MEX3A: variants seen among roughly 807,000 people sequenced by gnomAD.
MEX3A encodes the protein mex-3 RNA binding family member A.
MEX3A carries 4 observed loss-of-function variants against 30.0 expected under a neutral mutation model. That is an observed-to-expected ratio of 0.13 (90% CI 0.07 to 0.30). The LOEUF is 0.30. Ranked by LOEUF, MEX3A falls within the 10% of genes least tolerant of loss-of-function variation. The pLI, the probability that MEX3A is intolerant of heterozygous loss-of-function variation, is 1.00. For missense variants in MEX3A, 555 were observed against 736.7 expected (o/e 0.75, Z 2.86); for synonymous variants, 335 against 327.6 (o/e 1.02, Z -0.24).
At position 156,082,431 on chromosome 1, in the gene MEX3A, T is replaced by G; in HGVS notation, c.-433A>C. 5.9e-6 allele frequency: 1 copy of G among 169,492 alleles called. No individual in the cohort carries two copies. The highest frequency in any genetic ancestry group is 1.9e-4 in the East Asian group (1 of 5,234). 10.5% of individuals were successfully genotyped at this position (169,492 alleles called of 1,614,324 possible). A position where few individuals can be genotyped will look rare whatever the true frequency, so the allele number is the denominator to read the frequency against. On this transcript the variant is annotated 5_prime_UTR_variant, in exon 1 of 2. Coordinates refer to ENST00000532414, the MANE Select transcript of MEX3A (RefSeq NM_001093725.2). ...GGGAGCGGCGCTCAGTGGCCCCCAA[T>G]AGAGCCCAGCCCCTTCCAGCGCTCA...
chr1:156,079,234 G>C (rs921687545), intron 1 of MEX3A, among the ~76,000 whole-genome samples: 1 of 150,474 alleles, frequency 6.6e-6, no homozygotes, highest in African/African-American at 2.5e-5. Flanking sequence ...TTTTTTTTGA[G>C]ATGGAGTCTT....
At chr1:156,080,092 T>G (rs932979959) in intron 1 of MEX3A, among the ~76,000 whole-genome samples, 1 of 152,212 alleles carries the variant, frequency 6.6e-6, no homozygotes, top group Non-Finnish European at 1.5e-5. Flanking sequence ...CAAGCCCATC[T>G]GATGCGGAGG....
Position 156,081,588 on chromosome 1 carries a change from G to A in MEX3A, c.411C>T (p.Pro137=). ...CGGCCACGTGCTCGGAGGTGGGCAC[G>A]GGAACACACTCCGTGGTGTTGCTGC... ...KGSSNTTECV[P]VPTSEHVAEI... is the part of the protein sequence containing the mutation. The change falls in exon 1 of 2, where the codon CCC becomes CCT. Residue 137 remains proline, a synonymous_variant. Transcript: ENST00000532414. 2.5e-6 allele frequency: 4 copies of A among 1,594,476 alleles called. No homozygotes were observed. Among genetic ancestry groups the A allele is most frequent in the Non-Finnish European group, 3.4e-6 (4 of 1,172,728 alleles).
At position 156,077,786 on chromosome 1, in the gene MEX3A, G is replaced by A. The variant is rs940631237; in HGVS notation, c.455-104C>T. ...CTTACCCAAATACCTAGCCTCCCAG[G>A]AACACTTCAGTCTACCCTTTGAAAT... On this transcript the variant is annotated intron_variant, in intron 1 of 1. Transcript: ENST00000532414. The surrounding 1 kb of genome is among the most constrained non-coding windows in gnomAD (Gnocchi z 8.3). The A allele has an allele frequency of 7.0e-7, 1 of 1,434,458 alleles. No homozygotes were observed. The highest frequency in any genetic ancestry group is 9.1e-7 in the Non-Finnish European group (1 of 1,093,214). The allele number at this position is 1,434,458 out of a possible 1,614,324, so 88.9% of individuals were successfully genotyped here. A position where few individuals can be genotyped will look rare whatever the true frequency, so the allele number is the denominator to read the frequency against.
chr1:156,077,290 C>G lies in MEX3A; in HGVS notation c.847G>C (p.Glu283Gln). 3 of 1,613,964 alleles carry G rather than the reference C, an allele frequency of 1.9e-6. No homozygotes were observed. The highest frequency in any genetic ancestry group is 1.7e-6 in the Non-Finnish European group (2 of 1,179,866). The change falls in exon 2 of 2, where the codon GAG becomes CAG. Residue 283 changes from glutamate (E) to glutamine (Q), a missense_variant. By Grantham distance (29) the Glu-to-Gln change is conservative. Around this residue, in one of 6 missense-constraint regions of MEX3A, gnomAD observed 33 missense variants for 100.9 expected, o/e 0.33. Coordinates refer to ENST00000532414, the MANE Select transcript of MEX3A (RefSeq NM_001093725.2). This position sits in a 1 kb window ranked among gnomAD's most constrained non-coding sequence, Gnocchi z 8.3. ...CGCACCGCGATGTGCGTCTCGATCT[C>G]CTCGCGCGCACGCTCCACGTTGCCT... ...APGNVERARE[E>Q]IETHIAVRTG...
At chr1:156,078,487 G>A (rs1023270825) in intron 1 of MEX3A, among the ~76,000 whole-genome samples, 3 of 152,098 alleles carry the variant, frequency 2.0e-5, no homozygotes, top group Non-Finnish European at 4.4e-5. Context: ...GGCTGAGTAC[G>A]GTGAGGGAGA....
chr1:156,081,231 T>A (rs1370963103), intron 1 of MEX3A, among the ~76,000 whole-genome samples: 1 of 152,140 alleles, frequency 6.6e-6, no homozygotes, highest in Non-Finnish European at 1.5e-5. Flanking sequence ...GTTTTTCTGG[T>A]TAGGAGTGGA....
intron 1 of MEX3A, 104 bp downstream of exon 1, chr1:156,081,441 G>T: frequency 2.0e-6 from 2 of 1,007,554 alleles, no homozygotes; most frequent in Non-Finnish European, 3.0e-6. Flanking sequence ...GTGGGGAAGG[G>T]ACAGAGCCGG....
chr1:156,079,168 G>T (rs562859924), intron 1 of MEX3A, among the ~76,000 whole-genome samples: 1 of 152,150 alleles, frequency 6.6e-6, no homozygotes, highest in South Asian at 2.1e-4. Flanking sequence ...CTGGCAGATT[G>T]GGGGGTGAGG....
chr1:156,075,243 G>A lies in MEX3A; in HGVS notation c.*1331C>T, dbSNP rs1489055247. On this transcript the variant is annotated 3_prime_UTR_variant, in exon 2 of 2. Transcript: ENST00000532414. ...CACAGACTCCATGATTTGCATGGAGGATTCAAGCTAATAAGGATTCAAGCT... is the reference window on the plus strand; with the variant it reads ...CACAGACTCCATGATTTGCATGGAGAATTCAAGCTAATAAGGATTCAAGCT... The A allele has an allele frequency of 1.3e-5, 2 of 152,246 alleles. No homozygotes were observed. The highest frequency in any genetic ancestry group is 2.9e-5 in the Non-Finnish European group (2 of 68,036). The allele number at this position is 152,246 out of a possible 1,614,324, so 9.4% of individuals were successfully genotyped here.
chr1:156,081,604 G>C lies in MEX3A; in HGVS notation c.395C>G (p.Thr132Ser). 6.3e-7 allele frequency: 1 copy of C among 1,587,084 alleles called. No individual in the cohort carries two copies. The highest frequency in any genetic ancestry group is 1.1e-5 in the South Asian group (1 of 87,324). The change falls in exon 1 of 2, where the codon ACC becomes AGC. Residue 132 changes from threonine to serine, a missense_variant. By Grantham distance (58) the Thr-to-Ser change is moderately conservative. Around this residue, in one of 6 missense-constraint regions of MEX3A, gnomAD observed 32 missense variants for 107.4 expected, o/e 0.30. Coordinates refer to ENST00000532414, the MANE Select transcript of MEX3A (RefSeq NM_001093725.2). ...GGTGGGCACGGGAACACACTCCGTGGTGTTGCTGCTGCCCTTCAGGCGCAG... is the reference window on the plus strand; with the variant it reads ...GGTGGGCACGGGAACACACTCCGTGCTGTTGCTGCTGCCCTTCAGGCGCAG... ...AELRLKGSSN[T>S]TECVPVPTSE...
chr1:156,074,651 T>G lies in MEX3A; in HGVS notation c.*1923A>C. The stretch of plus-strand genomic sequence containing the variant: ...GGGGACGACAGACAGACATCCCTTC[T>G]TCCCACCCCCCTCCCCACCTGCCCC... On this transcript the variant is annotated 3_prime_UTR_variant, in exon 2 of 2. Coordinates refer to ENST00000532414, the MANE Select transcript of MEX3A (RefSeq NM_001093725.2). The G allele has an allele frequency of 6.6e-6, 1 of 151,546 alleles. No individual in the cohort carries two copies. The highest frequency in any genetic ancestry group is 2.1e-4 in the South Asian group (1 of 4,726). 9.4% of individuals were successfully genotyped at this position (151,546 alleles called of 1,614,324 possible).
At position 156,072,275 on chromosome 1, in the gene MEX3A, C is replaced by A. The variant is rs1275642572; in HGVS notation, c.*4299G>T. ...AGTGGAGAGACCATCCTCCCTGCCC[C>A]AGGGCTGTCTCCACCCACCCCCCCT... On this transcript the variant is annotated 3_prime_UTR_variant, in exon 2 of 2. Transcript: ENST00000532414. 1 of 152,694 alleles carries A rather than the reference C, an allele frequency of 6.5e-6. No homozygotes were observed. The highest frequency in any genetic ancestry group is 6.5e-5 in the Admixed American group (1 of 15,270). 9.5% of individuals were successfully genotyped at this position (152,694 alleles called of 1,614,324 possible). A position where few individuals can be genotyped will look rare whatever the true frequency, so the allele number is the denominator to read the frequency against.
Position 156,073,801 on chromosome 1 carries a change from G to A in MEX3A, c.*2773C>T, listed in dbSNP as rs1647981394. On this transcript the variant is annotated 3_prime_UTR_variant, in exon 2 of 2. Transcript: ENST00000532414. ...TCTGAGGGTTCCTATAGGCCTGCTA[G>A]GCCTTAATTCTGGATTCCCCCTCCT... is the stretch of plus-strand genomic sequence containing the variant. 1 of 152,582 alleles carries A rather than the reference G, an allele frequency of 6.6e-6. No homozygotes were observed. Among genetic ancestry groups the A allele is most frequent in the Non-Finnish European group, 1.5e-5 (1 of 68,008 alleles). 9.5% of individuals were successfully genotyped at this position (152,582 alleles called of 1,614,324 possible). A position where few individuals can be genotyped will look rare whatever the true frequency, so the allele number is the denominator to read the frequency against.
rs1647997813 is a variant in MEX3A at position 156,074,319 on chromosome 1, T to C, written c.*2255A>G. Reference sequence around the variant, plus strand: ...AAATTACCTAATAAAAAGTCTTTTTTTTTCATATTAGCCCAGGTTCTTTGC... The same window carrying C: ...AAATTACCTAATAAAAAGTCTTTTTCTTTCATATTAGCCCAGGTTCTTTGC... On this transcript the variant is annotated 3_prime_UTR_variant, in exon 2 of 2. Coordinates refer to ENST00000532414, the MANE Select transcript of MEX3A (RefSeq NM_001093725.2). 1 of 152,270 alleles carries C rather than the reference T, an allele frequency of 6.6e-6. No individual in the cohort carries two copies. Among genetic ancestry groups the C allele is most frequent in the Non-Finnish European group, 1.5e-5 (1 of 67,986 alleles). The allele number at this position is 152,270 out of a possible 1,614,324, so 9.4% of individuals were successfully genotyped here. A position where few individuals can be genotyped will look rare whatever the true frequency, so the allele number is the denominator to read the frequency against.
chr1:156,077,302 G>A lies in MEX3A; in HGVS notation c.835C>T (p.Arg279Cys), dbSNP rs1439308301. 3.1e-6 allele frequency: 5 copies of A among 1,613,934 alleles called. No individual in the cohort carries two copies. Among genetic ancestry groups the A allele is most frequent in the Non-Finnish European group, 4.2e-6 (5 of 1,179,856 alleles). Reference sequence around the variant, plus strand: ...TGCGTCTCGATCTCCTCGCGCGCACGCTCCACGTTGCCTGGGGCACCCGTG... The same window carrying A: ...TGCGTCTCGATCTCCTCGCGCGCACACTCCACGTTGCCTGGGGCACCCGTG... ...EITGAPGNVERAREEIETHIA... is the reference protein window; with the variant it reads ...EITGAPGNVECAREEIETHIA... Residue 279 changes from arginine to cysteine, a missense_variant, in exon 2 of 2, where the codon CGT becomes TGT. Physicochemically the swap from Arg to Cys is radical, Grantham distance 180 (BLOSUM62 -3). This residue lies in a region of MEX3A where 33 missense variants were observed against 100.9 expected (regional missense o/e 0.33). Transcript: ENST00000532414. The surrounding 1 kb of genome is among the most constrained non-coding windows in gnomAD (Gnocchi z 8.3).
Position 156,077,167 on chromosome 1 carries a change from G to A in MEX3A, c.970C>T (p.His324Tyr). The A allele has an allele frequency of 6.2e-7, 1 of 1,613,432 alleles. No homozygotes were observed. The highest frequency in any genetic ancestry group is 8.5e-7 in the Non-Finnish European group (1 of 1,179,830). ...DSRYSDAWRV[H>Y]QPGCKPLSTF... The stretch of plus-strand genomic sequence containing the variant: ...GAGAGGGGCTTGCAGCCGGGCTGGT[G>A]CACCCGCCAGGCGTCGGAGTAGCGG... The change falls in exon 2 of 2, where the codon CAC becomes TAC. Residue 324 changes from histidine to tyrosine, a missense_variant. By Grantham distance (83) the His-to-Tyr change is moderately conservative. Around this residue, in one of 6 missense-constraint regions of MEX3A, gnomAD observed 281 missense variants for 265.1 expected, o/e 1.06. Transcript: ENST00000532414. This position sits in a 1 kb window ranked among gnomAD's most constrained non-coding sequence, Gnocchi z 8.3.
rs536868522 is a variant in MEX3A at position 156,077,895 on chromosome 1, C to G, written c.455-213G>C. 2.0e-5 allele frequency among the ~76,000 whole-genome samples: 3 copies of G among 152,274 alleles called. No individual in the cohort carries two copies. The highest frequency in any genetic ancestry group is 7.2e-5 in the African/African-American group (3 of 41,552). ...ATGTGCCTAATGTCTCTCTCAGCCA[C>G]AGATTTCAAAATGTACTAACTTTCC... On this transcript the variant is annotated intron_variant, in intron 1 of 1. Coordinates refer to ENST00000532414, the MANE Select transcript of MEX3A (RefSeq NM_001093725.2). The surrounding 1 kb of genome is among the most constrained non-coding windows in gnomAD (Gnocchi z 8.3).
rs1467292553 is a variant in MEX3A at position 156,077,111 on chromosome 1, G to A, written c.1026C>T (p.Ile342=). 1.5e-5 allele frequency: 24 copies of A among 1,613,726 alleles called. No individual in the cohort carries two copies. The highest frequency in any genetic ancestry group is 2.2e-5 in the East Asian group (1 of 44,882). The change falls in exon 2 of 2, where the codon ATC becomes ATT. Residue 342 remains isoleucine, a synonymous_variant. Coordinates refer to ENST00000532414, the MANE Select transcript of MEX3A (RefSeq NM_001093725.2). This position sits in a 1 kb window ranked among gnomAD's most constrained non-coding sequence, Gnocchi z 8.3. The stretch of plus-strand genomic sequence containing the variant: ...AGCCAGAGTCCACTCCGCACTCGCC[G>A]ATGCAGCCCAGGCTGTTCTGCCGGA... ...STFRQNSLGC[I]GECGVDSGFE...
Sources: allele counts gnomAD v4.1 joint callset (sites outside exome capture counted in the v4.1 genomes callset), GRCh38; gene constraint gnomAD v4.1.1; regional missense constraint gnomAD v4.1.1; non-coding constraint Gnocchi (gnomAD v3.1); transcripts MANE v1.5; gene names NCBI Gene and HGNC (gene_info 2026-07-23, HGNC 2026-07-21).